The following SMARCA4 variants were observed in gnomAD, a reference collection of about 807,000 sequenced individuals.
The protein encoded by SMARCA4 is SWI/SNF related BAF chromatin remodeling complex subunit ATPase 4, also known as SWI/SNF-related matrix-associated actin-dependent regulator of chromatin subfamily A member 4.
A neutral mutation model predicts 193.9 loss-of-function variants in SMARCA4; 31 were observed. The observed-to-expected ratio is 0.16, with a 90% CI of 0.12 to 0.22. SMARCA4 has a LOEUF of 0.22. Among genes scored for constraint, SMARCA4 ranks in the 10% least tolerant of loss-of-function variants. SMARCA4 has a pLI of 1.00. For missense variants in SMARCA4, 1,148 were observed against 2,296.0 expected (o/e 0.50, Z 10.22); for synonymous variants, 942 against 933.1 (o/e 1.01, Z -0.17).
At chr19:11,002,083 T>G (rs960537074) in intron 11 of SMARCA4, among the ~76,000 whole-genome samples, 2 of 152,202 alleles carry the variant, frequency 1.3e-5, no homozygotes, top group Admixed American at 6.5e-5. Flanking sequence ...GTCTAAGTCC[T>G]TGTTTCTTAT....
At position 11,047,283 on chromosome 19, in the gene SMARCA4, G is replaced by A. The variant is rs2075990997; in HGVS notation, c.4424+5723G>A. On this transcript the variant is annotated intron_variant, in intron 30 of 34. Transcript: ENST00000344626. ...GGCCAAGGTGGGCGGATCACTTGAG[G>A]TGATCTGGACGGTTCCAGACACAGG... 2.6e-5 allele frequency among the ~76,000 whole-genome samples: 4 copies of A among 152,200 alleles called. No individual in the cohort carries two copies. The South Asian group carries it at 8.3e-4, about 32-fold the overall frequency.
chr19:10,987,054 A>C lies in SMARCA4; in HGVS notation c.859+51A>C. 1.6e-4 allele frequency: 216 copies of C among 1,325,394 alleles called. No individual in the cohort carries two copies. Among genetic ancestry groups the C allele is most frequent in the Non-Finnish European group, 2.1e-4 (200 of 932,858 alleles). The allele number at this position is 1,325,394 out of a possible 1,614,324, so 82.1% of individuals were successfully genotyped here. ...CACCCGTGCCCTTACTCCCCATCTC[A>C]AGCTTGGGTCCTTGAGATGAGCTTT... On this transcript the variant is annotated intron_variant, in intron 5 of 34. Coordinates refer to ENST00000344626, the MANE Select transcript of SMARCA4 (RefSeq NM_003072.5). The surrounding 1 kb of genome is among the most constrained non-coding windows in gnomAD (Gnocchi z 5.3).
intron 8 of SMARCA4, among the ~76,000 whole-genome samples, chr19:10,994,249 G>T (rs1188523217): frequency 6.6e-6 from 1 of 150,886 alleles, no homozygotes; most frequent in Admixed American, 6.6e-5. Flanking sequence ...CACTATGTTG[G>T]CTGGGCTGGT....
At chr19:10,969,608 T>G (rs2084518986) in intron 1 of SMARCA4, among the ~76,000 whole-genome samples, 2 of 151,792 alleles carry the variant, frequency 1.3e-5, no homozygotes, top group South Asian at 4.2e-4. Context: ...TTTTGTATTT[T>G]TAGTAGAGAC....
At chr19:10,976,772 G>A (rs955044808) in intron 1 of SMARCA4, among the ~76,000 whole-genome samples, 11 of 139,046 alleles carry the variant, frequency 7.9e-5, no homozygotes, top group African/African-American at 2.4e-4. Flanking sequence ...AAAAAAAATT[G>A]GGCCGGGCGT....
chr19:11,031,895 C>A lies in SMARCA4; in HGVS notation c.3546+1002C>A, dbSNP rs947943333. The A allele has an allele frequency of 1.3e-5, 2 of 152,284 alleles. No individual in the cohort carries two copies. Among genetic ancestry groups the A allele is most frequent in the African/African-American group, 4.8e-5 (2 of 41,446 alleles). The allele number at this position is 152,284 out of a possible 1,614,324, so 9.4% of individuals were successfully genotyped here. On this transcript the variant is annotated intron_variant, in intron 25 of 34. Transcript: ENST00000344626. The surrounding 1 kb of genome is among the most constrained non-coding windows in gnomAD (Gnocchi z 4.3). ...TTGCTACTGCCAAAGTGGTTTCACT[C>A]CTACGCTGGGGTGTGAATGTACCCT...
chr19:10,998,378 A>C (rs1392880572), intron 11 of SMARCA4, among the ~76,000 whole-genome samples: 1 of 152,014 alleles, frequency 6.6e-6, no homozygotes, highest in African/African-American at 2.4e-5. Flanking sequence ...AACCCCTGCC[A>C]AGGGATCTCC....
chr19:10,995,094 T>G, intron 9 of SMARCA4, 93 bp downstream of exon 9: 2 of 1,220,870 alleles, frequency 1.6e-6, no homozygotes, highest in South Asian at 2.6e-5. Flanking sequence ...GCCAAGGCAT[T>G]TCACAGCTCG....
intron 21 of SMARCA4, among the ~76,000 whole-genome samples, chr19:11,024,707 C>G (rs1405025679): frequency 5.3e-5 from 8 of 152,148 alleles, no homozygotes; most frequent in Non-Finnish European, 7.4e-5. Context: ...TTAGAGTGTT[C>G]TAGAATGCCC....
In SMARCA4 at chr19:11,014,388, C is replaced by A. The variant is rs901621828; in HGVS notation, c.2438+1276C>A. Among the ~76,000 whole-genome samples the A allele has an allele frequency of 1.4e-4, 22 of 152,358 alleles. 1 individual carries two copies. The East Asian group carries it at 1.7e-3, about 12-fold the overall frequency. ...AGGTTTACTGTGGAACTGTTTCTTT[C>A]TTCTATCTCCCTGCTTCCTACGTGG... On this transcript the variant is annotated intron_variant, in intron 16 of 34. Transcript: ENST00000344626.
intron 29 of SMARCA4, among the ~76,000 whole-genome samples, chr19:11,039,192 A>G (rs1319801665): frequency 1.3e-5 from 2 of 152,214 alleles, no homozygotes; most frequent in African/African-American, 4.8e-5. Context: ...CGTTTCTACT[A>G]AAAATACAAA....
At chr19:10,969,441 T>C (rs937563375) in intron 1 of SMARCA4, among the ~76,000 whole-genome samples, 5 of 151,552 alleles carry the variant, frequency 3.3e-5, no homozygotes, top group African/African-American at 1.2e-4. Context: ...TTTTTTTTTC[T>C]TTTTTTGAGA....
chr19:10,975,017 C>CTTTTTTTTT (rs760199710), intron 1 of SMARCA4, among the ~76,000 whole-genome samples: 1 of 101,088 alleles, frequency 9.9e-6, no homozygotes, highest in African/African-American at 4.0e-5. Flanking sequence ...TATAGTTATT[C>CTTTTTTTTT]TTTTTTTTTT....
intron 15 of SMARCA4, 171 bp from the exon 16 acceptor site, chr19:11,012,778 G>A (rs1568470466): frequency 1.2e-5 from 8 of 690,448 alleles, no homozygotes; most frequent in African/African-American, 5.3e-5. Flanking sequence ...GAGGCTAAGC[G>A]ATAAAGAATC....
chr19:11,011,406 G>A (rs929605216), intron 15 of SMARCA4, among the ~76,000 whole-genome samples: 2 of 152,068 alleles, frequency 1.3e-5, no homozygotes, highest in Non-Finnish European at 2.9e-5. Context: ...TGTATTTTTA[G>A]TAGAGACAGA....
Position 10,996,099 on chromosome 19 carries a change from G to A in SMARCA4, c.1594-114G>A, listed in dbSNP as rs544640148. On this transcript the variant is annotated intron_variant, in intron 9 of 34. Coordinates refer to ENST00000344626, the MANE Select transcript of SMARCA4 (RefSeq NM_003072.5). ...TTGCCGTGTGAAGGGCTGGTGGCAC[G>A]GCACCCGCGTGAGCTACGCGTGCCC... is the stretch of plus-strand genomic sequence containing the variant. 5 of 1,021,004 alleles carry A rather than the reference G, an allele frequency of 4.9e-6. No homozygotes were observed. The South Asian group carries it at 5.1e-5, about 10-fold the overall frequency. The allele number at this position is 1,021,004 out of a possible 1,614,324, so 63.2% of individuals were successfully genotyped here.
rs552535004 is a variant in SMARCA4 at position 11,041,540 on chromosome 19, C to T, written c.4404C>T (p.Ala1468=). 30 of 1,613,552 alleles carry T rather than the reference C, an allele frequency of 1.9e-5. No homozygotes were observed. Among genetic ancestry groups the T allele is most frequent in the South Asian group, 4.4e-5 (4 of 91,060 alleles). ...LTKKMKKIVD[A]VIKYKDSSSG... ...AGAAGATGAAGAAGATTGTGGATGC[C>T]GTGATCAAGTACAAGGACAGGTAAG... The change falls in exon 30 of 35, where the codon GCC becomes GCT. Residue 1468 remains alanine (A), a synonymous_variant. Transcript: ENST00000344626. The surrounding 1 kb of genome is among the most constrained non-coding windows in gnomAD (Gnocchi z 5.6).
chr19:11,058,972 T>TCAGAAGG lies in SMARCA4; in HGVS notation c.4635+83_4635+84insCAGAAGG. 3.6e-6 allele frequency: 4 copies of TCAGAAGG among 1,111,582 alleles called. No individual in the cohort carries two copies. The highest frequency in any genetic ancestry group is 5.4e-6 in the Non-Finnish European group (4 of 739,004). 68.9% of individuals were successfully genotyped at this position (1,111,582 alleles called of 1,614,324 possible). A position where few individuals can be genotyped will look rare whatever the true frequency, so the allele number is the denominator to read the frequency against. ...ACCCGCCCCTCCTTCCCTTCTGAAT[T>TCAGAAGG]GATGGGTTAAAAACAAGTCCCGCTA... On this transcript the variant is annotated intron_variant, in intron 32 of 34. Coordinates refer to ENST00000344626, the MANE Select transcript of SMARCA4 (RefSeq NM_003072.5). This position sits in a 1 kb window ranked among gnomAD's most constrained non-coding sequence, Gnocchi z 5.8.
At position 11,061,637 on chromosome 19, in the gene SMARCA4, A is replaced by C. The variant is rs982880326; in HGVS notation, c.4912-147A>C. On this transcript the variant is annotated intron_variant, in intron 34 of 34. Coordinates refer to ENST00000344626, the MANE Select transcript of SMARCA4 (RefSeq NM_003072.5). ...GTGATCCGCCCGCCTTGGCCTTCCA[A>C]AGTGCTGGGATTACGGGCGTGAGCC... 3.8e-6 allele frequency: 3 copies of C among 793,502 alleles called. No homozygotes were observed. The South Asian group carries it at 4.1e-5, about 11-fold the overall frequency. 49.2% of individuals were successfully genotyped at this position (793,502 alleles called of 1,614,324 possible). A position where few individuals can be genotyped will look rare whatever the true frequency, so the allele number is the denominator to read the frequency against.
Sources: allele counts gnomAD v4.1 joint callset (sites outside exome capture counted in the v4.1 genomes callset), GRCh38; gene constraint gnomAD v4.1.1; non-coding constraint Gnocchi (gnomAD v3.1); transcripts MANE v1.5; gene names NCBI Gene and HGNC (gene_info 2026-07-23, HGNC 2026-07-21).